EVL: variants seen among roughly 807,000 people sequenced by gnomAD.
EVL encodes the protein Enah/Vasp-like, also known as ena/VASP-like protein.
Under a neutral mutation model 59.6 loss-of-function variants are expected in EVL, and 21 were observed. That is an observed-to-expected ratio of 0.35 (90% confidence interval 0.25 to 0.51). The LOEUF is 0.51. Among genes scored for constraint, EVL ranks in the 20% least tolerant of loss-of-function variants. EVL has a pLI of 0.97. For synonymous variants in EVL, 198 were observed against 203.5 expected, an observed-to-expected ratio of 0.97 and a Z score of 0.23; for missense variants, 462 against 546.6, an observed-to-expected ratio of 0.85 and a Z score of 1.54.
At chr14:100,064,702 G>C (rs898137307), upstream of EVL, among the ~76,000 whole-genome samples, 2 of 152,190 alleles carry the variant, frequency 1.3e-5, no homozygotes, top group African/African-American at 4.8e-5. Flanking sequence ...CCTGAGGTCG[G>C]GAGTTCGTGA....
chr14:100,123,465 GA>G, intron 3 of EVL, 73 bp from the exon 4 acceptor site: 1 of 1,475,232 alleles, frequency 6.8e-7, no homozygotes, highest in Non-Finnish European at 9.4e-7. Context: ...GGCAGAGATA[GA>G]GAGCACTCCA....
chr14:100,140,874 G>A (rs1194116510), intron 11 of EVL: 4 of 291,772 alleles, frequency 1.4e-5, no homozygotes, highest in Non-Finnish European at 2.5e-5. Context: ...GGGTGGGTGC[G>A]ATGTTGTCAC....
intron 1 of EVL, among the ~76,000 whole-genome samples, chr14:100,006,075 C>T (rs1191001): frequency 0.36 from 53,234 of 149,010 alleles, 13,292 homozygotes; most frequent in African/African-American, 0.71. Flanking sequence ...TTAGCCACTT[C>T]AGAGGCCTCG....
chr14:100,084,032 A>C (rs977015012), intron 1 of EVL, among the ~76,000 whole-genome samples: 11 of 150,784 alleles, frequency 7.3e-5, no homozygotes, highest in African/African-American at 2.5e-4. Flanking sequence ...ATGCTTTAAT[A>C]ATGCATTCTC....
rs556533269 is a variant in EVL at position 100,125,117 on chromosome 14, C to T, written c.422+1515C>T. The stretch of plus-strand genomic sequence containing the variant: ...ACAGACACACACACCTGCCCCAAGG[C>T]GGGACCACACACACACACACACACA... On this transcript the variant is annotated intron_variant, in intron 4 of 13. Coordinates refer to ENST00000392920, the MANE Select transcript of EVL (RefSeq NM_016337.3). Among the ~76,000 whole-genome samples the T allele has an allele frequency of 1.6e-4, 21 of 127,306 alleles. 2 individuals are homozygous for T. In the South Asian group the frequency reaches 5.2e-3, roughly 31 times the overall value. The allele number at this position is 127,306 out of a possible 152,430, so 83.5% of individuals were successfully genotyped here. A position where few individuals can be genotyped will look rare whatever the true frequency, so the allele number is the denominator to read the frequency against.
intron 1 of EVL, among the ~76,000 whole-genome samples, chr14:100,023,398 A>G (rs1275029316): frequency 8.9e-5 from 7 of 78,996 alleles, no homozygotes; most frequent in South Asian, 4.2e-4. Flanking sequence ...TTTTTTTTTG[A>G]GATGGAGTTT....
intron 4 of EVL, among the ~76,000 whole-genome samples, chr14:100,126,505 C>T (rs973609362): frequency 6.6e-6 from 1 of 152,224 alleles, no homozygotes; most frequent in Admixed American, 6.5e-5. Flanking sequence ...CAGGAGACAG[C>T]CGGTGCTCCC....
At chr14:99,997,852 A>G (rs1275219560) in intron 1 of EVL, among the ~76,000 whole-genome samples, 5 of 151,966 alleles carry the variant, frequency 3.3e-5, no homozygotes, top group Admixed American at 2.0e-4. Context: ...AAGGGGAAAT[A>G]CTCTATACAG....
intron 1 of EVL, among the ~76,000 whole-genome samples, chr14:100,019,008 G>T (rs908730694): frequency 6.6e-6 from 1 of 152,060 alleles, no homozygotes; most frequent in Non-Finnish European, 1.5e-5. Flanking sequence ...CACTAATAAG[G>T]AGTGACATGT....
chr14:100,019,558 A>G, intron 1 of EVL: 1 of 963,470 alleles, frequency 1.0e-6, no homozygotes, highest in Non-Finnish European at 1.5e-6. Flanking sequence ...GGGTGTGGAA[A>G]CCCCGCCTCA....
intron 1 of EVL, among the ~76,000 whole-genome samples, chr14:100,009,577 G>T (rs948342962): frequency 1.3e-5 from 2 of 152,100 alleles, no homozygotes; most frequent in African/African-American, 4.8e-5. Flanking sequence ...AACCTCTGTG[G>T]AAAATACAAA....
chr14:100,128,853 T>C (rs1888255530), intron 6 of EVL, 105 bp downstream of exon 6: 1 of 983,334 alleles, frequency 1.0e-6, no homozygotes, highest in Non-Finnish European at 1.5e-6. Flanking sequence ...AGCAAACTGC[T>C]TCCCTGCCCA....
chr14:100,065,884 A>C (rs1008079560), intron 1 of EVL, among the ~76,000 whole-genome samples: 33 of 152,152 alleles, frequency 2.2e-4, no homozygotes, highest in African/African-American at 7.2e-4. Context: ...TTCTCTCTAG[A>C]ATGACCCGAG....
At chr14:100,075,976 C>A (rs2062152910) in intron 1 of EVL, among the ~76,000 whole-genome samples, 1 of 152,174 alleles carries the variant, frequency 6.6e-6, no homozygotes, top group African/African-American at 2.4e-5. Flanking sequence ...TCCTTCAGAG[C>A]TGAGCCATAT....
At chr14:100,018,367 T>A (rs2061069147) in intron 1 of EVL, among the ~76,000 whole-genome samples, 1 of 152,188 alleles carries the variant, frequency 6.6e-6, no homozygotes, top group Admixed American at 6.5e-5. Flanking sequence ...CTAACTGAAT[T>A]TGAAGGTGTG....
intron 1 of EVL, among the ~76,000 whole-genome samples, chr14:100,060,104 A>G (rs1027037000): frequency 2.0e-5 from 3 of 152,240 alleles, no homozygotes; most frequent in Non-Finnish European, 2.9e-5. Flanking sequence ...GTGAACAAAC[A>G]GGAAATCCCA....
chr14:100,062,908 CAT>C (rs906334008), upstream of EVL, among the ~76,000 whole-genome samples: 1 of 152,070 alleles, frequency 6.6e-6, no homozygotes, highest in African/African-American at 2.4e-5. Flanking sequence ...GCCTCGGAAA[CAT>C]AGCAAGACCC....
chr14:100,046,626 C>G (rs1018496080), intron 1 of EVL, among the ~76,000 whole-genome samples: 1 of 151,632 alleles, frequency 6.6e-6, no homozygotes, highest in Non-Finnish European at 1.5e-5. Flanking sequence ...AAGATGATGC[C>G]AGCGCACTCC....
At chr14:100,110,552 T>C (rs548462239) in intron 3 of EVL, among the ~76,000 whole-genome samples, 5 of 151,756 alleles carry the variant, frequency 3.3e-5, no homozygotes, top group African/African-American at 1.2e-4. Context: ...GGGGATCTGA[T>C]GAGGAGGAGG....
Sources: gnomAD v4.1 joint callset for allele counts (sites outside exome capture counted in the v4.1 genomes callset) on GRCh38, gnomAD v4.1.1 for gene constraint, MANE v1.5 for transcripts, NCBI Gene and HGNC (gene_info 2026-07-23, HGNC 2026-07-21) for gene names.